LAMA3: variants seen among roughly 807,000 people sequenced by gnomAD.
LAMA3 encodes laminin subunit alpha 3.
A neutral mutation model predicts 402.0 loss-of-function variants in LAMA3; 281 were observed. The ratio of observed to expected loss-of-function variants is 0.70; its 90% CI spans 0.63 to 0.77. The LOEUF is 0.77. Ranked by LOEUF, LAMA3 falls within the 30% of genes least tolerant of loss-of-function variation. LAMA3 has a pLI of 0.00. For missense variants in LAMA3, 3,840 were observed against 4,215.5 expected, an observed-to-expected ratio of 0.91 and a Z score of 2.47; for synonymous variants, 1,431 against 1,558.4, an observed-to-expected ratio of 0.92 and a Z score of 1.93.
At chr18:23,782,496 T>C (rs888707710) in intron 11 of LAMA3, among the ~76,000 whole-genome samples, 8 of 152,058 alleles carry the variant, frequency 5.3e-5, no homozygotes, top group African/African-American at 1.4e-4. Flanking sequence ...GAGGTTATGG[T>C]GAGCAGAGAT....
chr18:23,735,775 G>T (rs1375337070), intron 2 of LAMA3, among the ~76,000 whole-genome samples: 2 of 152,044 alleles, frequency 1.3e-5, no homozygotes, highest in African/African-American at 4.8e-5. Flanking sequence ...TTTCCAGATG[G>T]TGAGTGTGGA....
intron 2 of LAMA3, among the ~76,000 whole-genome samples, chr18:23,735,124 A>G (rs928849900): frequency 1.3e-5 from 2 of 151,936 alleles, no homozygotes; most frequent in African/African-American, 4.8e-5. Context: ...ACTGCATGTG[A>G]CTCCCCCTTG....
In LAMA3 at chr18:23,814,592, G is replaced by A. The variant is rs1361666397; in HGVS notation, c.1888+90G>A. ...GACTAAATCCACAAAAGAGCTATTTGTTGAATCACTTCAATTTGACAAGAT... is the reference window on the plus strand; with the variant it reads ...GACTAAATCCACAAAAGAGCTATTTATTGAATCACTTCAATTTGACAAGAT... On this transcript the variant is annotated intron_variant, in intron 15 of 74. Transcript: ENST00000313654. 4 of 826,758 alleles carry A rather than the reference G, an allele frequency of 4.8e-6. No homozygotes were observed. In the South Asian group the frequency reaches 5.6e-5, roughly 12 times the overall value. The allele number at this position is 826,758 out of a possible 1,614,324, so 51.2% of individuals were successfully genotyped here.
chr18:23,922,269 G>A (rs1005218215), intron 62 of LAMA3, among the ~76,000 whole-genome samples: 1 of 152,200 alleles, frequency 6.6e-6, no homozygotes, highest in African/African-American at 2.4e-5. Flanking sequence ...AAGGATTAGT[G>A]CAGCCTCATG....
chr18:23,911,353 G>A (rs569933505), intron 55 of LAMA3, among the ~76,000 whole-genome samples: 23 of 152,176 alleles, frequency 1.5e-4, no homozygotes, highest in African/African-American at 2.9e-4. Flanking sequence ...GTATTCGATC[G>A]TTAGGAAATA....
At position 23,898,477 on chromosome 18, in the gene LAMA3, T is replaced by C. The variant is rs2080954201; in HGVS notation, c.5614-261T>C. 9 of 496,592 alleles carry C rather than the reference T, an allele frequency of 1.8e-5. No homozygotes were observed. The South Asian group carries it at 2.2e-4, about 12-fold the overall frequency. 30.8% of individuals were successfully genotyped at this position (496,592 alleles called of 1,614,324 possible). ...GTAAGTAGTATCACCCTCATTTCTA[T>C]AAGGTTAGGTCATTAATTCAAGTGA... On this transcript the variant is annotated intron_variant, in intron 44 of 74. Transcript: ENST00000313654.
rs1462822649 is a variant in LAMA3, at chr18:23,819,841, G to A, written c.2148G>A (p.Arg716=). The A allele has an allele frequency of 3.1e-6, 5 of 1,613,788 alleles. No individual in the cohort carries two copies. Among genetic ancestry groups the A allele is most frequent in the South Asian group, 1.1e-5 (1 of 91,052 alleles). ...REHVVGKVCQ[R]PENNYYFPDL... Reference sequence around the variant, plus strand: ...TGTGTTTACTTTTTAATTATGAAAGGCCTGAAAACAACTACTATTTCCCAG... The same window carrying A: ...TGTGTTTACTTTTTAATTATGAAAGACCTGAAAACAACTACTATTTCCCAG... Residue 716 remains arginine, a splice_region_variant and synonymous_variant, in exon 19 of 75, where the codon CGG becomes CGA. Coordinates refer to ENST00000313654, the MANE Select transcript of LAMA3 (RefSeq NM_198129.4).
chr18:23,818,306 C>A (rs747393755), intron 18 of LAMA3, among the ~76,000 whole-genome samples: 19 of 152,174 alleles, frequency 1.2e-4, no homozygotes, highest in Non-Finnish European at 2.5e-4. Context: ...ATAATGCAAT[C>A]AAATAGGAAT....
At chr18:23,861,054 C>G (rs2064207003) in intron 34 of LAMA3, among the ~76,000 whole-genome samples, 1 of 152,022 alleles carries the variant, frequency 6.6e-6, no homozygotes, top group Middle Eastern at 3.2e-3. Flanking sequence ...TGCCTGTCTC[C>G]TAAAAGGAGT....
intron 1 of LAMA3, among the ~76,000 whole-genome samples, chr18:23,707,987 T>G (rs2060921610): frequency 6.6e-6 from 1 of 152,256 alleles, no homozygotes; most frequent in Non-Finnish European, 1.5e-5. Context: ...AAGAAACCTT[T>G]CCTTGCTCTC....
intron 44 of LAMA3, among the ~76,000 whole-genome samples, chr18:23,896,023 C>G (rs1190290620): frequency 6.6e-6 from 1 of 152,190 alleles, no homozygotes; most frequent in Non-Finnish European, 1.5e-5. Flanking sequence ...TGTGACGTAT[C>G]TGTAACCCAT....
chr18:23,864,816 A>T lies in LAMA3; in HGVS notation c.4616A>T (p.Gln1539Leu). Reference sequence around the variant, plus strand: ...TCATATGGTGGTTACCTCACTTACCAAGCCAAGTCCTTTGGCTTGCCTGGC... The same window carrying T: ...TCATATGGTGGTTACCTCACTTACCTAGCCAAGTCCTTTGGCTTGCCTGGC... ...VSSYGGYLTY[Q>L]AKSFGLPGDM... The change falls in exon 36 of 75, where the codon CAA becomes CTA. Residue 1539 changes from glutamine (Q) to leucine (L), a missense_variant. Coordinates refer to ENST00000313654, the MANE Select transcript of LAMA3 (RefSeq NM_198129.4). 1 of 1,613,612 alleles carries T rather than the reference A, an allele frequency of 6.2e-7. No homozygotes were observed.
chr18:23,875,854 C>T (rs2064691587), intron 38 of LAMA3, among the ~76,000 whole-genome samples: 3 of 152,206 alleles, frequency 2.0e-5, no homozygotes, highest in Admixed American at 6.5e-5. Flanking sequence ...AGCCCCTTCT[C>T]ATCCCCCATC....
chr18:23,787,264 A>AC (rs2062563541), intron 12 of LAMA3, among the ~76,000 whole-genome samples: 1 of 152,198 alleles, frequency 6.6e-6, no homozygotes, highest in African/African-American at 2.4e-5. Flanking sequence ...CCTGGGTGAC[A>AC]AGAGTGAAAC....
At chr18:23,919,647 G>C (rs1224408162) in intron 60 of LAMA3, among the ~76,000 whole-genome samples, 2 of 152,162 alleles carry the variant, frequency 1.3e-5, no homozygotes, top group African/African-American at 4.8e-5. Flanking sequence ...CAAGACGGGG[G>C]ATCCAGGCAG....
At chr18:23,708,177 C>G (rs2060925106) in intron 1 of LAMA3, among the ~76,000 whole-genome samples, 1 of 152,152 alleles carries the variant, frequency 6.6e-6, no homozygotes, top group African/African-American at 2.4e-5. Flanking sequence ...GACATACCAC[C>G]TATGTTATAT....
chr18:23,848,351 C>G (rs1255671153), intron 32 of LAMA3, among the ~76,000 whole-genome samples: 3 of 152,146 alleles, frequency 2.0e-5, no homozygotes, highest in Non-Finnish European at 4.4e-5. Flanking sequence ...AGGTTTGATT[C>G]AGAGGCTGCA....
intron 36 of LAMA3, among the ~76,000 whole-genome samples, chr18:23,865,505 G>A (rs1029942866): frequency 1.3e-5 from 2 of 151,978 alleles, no homozygotes; most frequent in Non-Finnish European, 2.9e-5. Context: ...TCCTTACCAC[G>A]GGGCAAGATC....
chr18:23,949,215 G>A (rs1390803287), intron 70 of LAMA3, among the ~76,000 whole-genome samples: 1 of 152,150 alleles, frequency 6.6e-6, no homozygotes, highest in Non-Finnish European at 1.5e-5. Context: ...GTGACTTGGT[G>A]GTGGTGCACT....
Sources: allele counts gnomAD v4.1 joint callset (sites outside exome capture counted in the v4.1 genomes callset), GRCh38; gene constraint gnomAD v4.1.1; transcripts MANE v1.5; gene names NCBI Gene and HGNC (gene_info 2026-07-23, HGNC 2026-07-21).